Variants in WSCD2 observed in about 807,000 individuals in gnomAD.
WSCD2 encodes the protein sialate:O-sulfotransferase 2.
WSCD2 carries 28 observed loss-of-function variants against 55.7 expected under a neutral mutation model. The ratio of observed to expected loss-of-function variants is 0.50; its 90% CI spans 0.37 to 0.69. WSCD2 has a LOEUF of 0.69. Ranked by LOEUF, WSCD2 falls within the 30% of genes least tolerant of loss-of-function variation. The probability of loss-of-function intolerance (pLI) is 0.00; values close to 1 mark genes in which losing one functional copy is unlikely to be tolerated. For synonymous variants in WSCD2, 301 were observed against 301.9 expected (o/e 1.00, Z 0.03); for missense variants, 616 against 762.1 (o/e 0.81, Z 2.26).
chr12:108,132,109 G>C (rs373613418), intron 1 of WSCD2, among the ~76,000 whole-genome samples: 1 of 150,736 alleles, frequency 6.6e-6, no homozygotes, highest in African/African-American at 2.4e-5. Context: ...GAAATTGTCA[G>C]GGAATGCAGT....
intron 1 of WSCD2, among the ~76,000 whole-genome samples, chr12:108,188,498 C>T (rs899915319): frequency 1.3e-5 from 2 of 152,218 alleles, no homozygotes; most frequent in Admixed American, 6.5e-5. Context: ...ACCCACTGTA[C>T]GGGGTGCAAA....
chr12:108,166,749 T>TTTCC (rs1565928677), intron 1 of WSCD2, among the ~76,000 whole-genome samples: 18 of 47,008 alleles, frequency 3.8e-4, no homozygotes, highest in South Asian at 7.9e-4. Context: ...TCTTTCCTTC[T>TTTCC]TTCTTTCTTT....
chr12:108,223,062 C>T (rs973946301), intron 4 of WSCD2, among the ~76,000 whole-genome samples: 1 of 152,360 alleles, frequency 6.6e-6, no homozygotes. Flanking sequence ...TCCTTCTTCT[C>T]CAGGAAGCCT....
At chr12:108,239,471 C>A (rs1889534537) in intron 7 of WSCD2, among the ~76,000 whole-genome samples, 1 of 152,152 alleles carries the variant, frequency 6.6e-6, no homozygotes, top group Non-Finnish European at 1.5e-5. Flanking sequence ...AATCCCCCAT[C>A]CCCCACCCCC....
At chr12:108,135,185 C>T (rs1390697053) in intron 1 of WSCD2, among the ~76,000 whole-genome samples, 1 of 152,192 alleles carries the variant, frequency 6.6e-6, no homozygotes, top group Non-Finnish European at 1.5e-5. Context: ...TGCATCCATT[C>T]AAGTATTCAT....
intron 6 of WSCD2, among the ~76,000 whole-genome samples, chr12:108,231,296 T>C (rs1402783079): frequency 6.6e-6 from 1 of 152,206 alleles, no homozygotes; most frequent in Non-Finnish European, 1.5e-5. Flanking sequence ...CTCATCTTCC[T>C]TTCTGCTCCA....
chr12:108,155,727 G>A (rs1306987201), intron 1 of WSCD2, among the ~76,000 whole-genome samples: 1 of 152,186 alleles, frequency 6.6e-6, no homozygotes. Context: ...TAAGTTTGTG[G>A]TGAGATTTAA....
At chr12:108,202,411 G>A (rs183790928) in intron 2 of WSCD2, among the ~76,000 whole-genome samples, 11 of 152,234 alleles carry the variant, frequency 7.2e-5, no homozygotes, top group African/African-American at 1.7e-4. Context: ...AGGGTCATTC[G>A]TTCATTCAAC....
chr12:108,246,943 A>C (rs1047220927), intron 8 of WSCD2, among the ~76,000 whole-genome samples: 3 of 152,142 alleles, frequency 2.0e-5, no homozygotes, highest in Admixed American at 6.5e-5. Flanking sequence ...AAAACAGAAT[A>C]ATATCAGTAA....
At chr12:108,199,754 AG>A (rs1884424551) in intron 2 of WSCD2, among the ~76,000 whole-genome samples, 2 of 152,232 alleles carry the variant, frequency 1.3e-5, no homozygotes, top group Admixed American at 1.3e-4. Context: ...AGGGAAAGTC[AG>A]GCACAGAGAA....
chr12:108,164,108 A>T (rs1879352976), intron 1 of WSCD2, among the ~76,000 whole-genome samples: 1 of 67,908 alleles, frequency 1.5e-5, no homozygotes, highest in South Asian at 6.0e-4. Flanking sequence ...GTAGCCCTTC[A>T]CTTATTTATA....
chr12:108,241,978 G>T (rs189067169), intron 8 of WSCD2, among the ~76,000 whole-genome samples: 2 of 152,290 alleles, frequency 1.3e-5, no homozygotes, highest in East Asian at 1.9e-4. Flanking sequence ...TCAGCACTGC[G>T]CTGTGATAAT....
intron 2 of WSCD2, among the ~76,000 whole-genome samples, chr12:108,197,553 G>T (rs1884084297): frequency 6.6e-6 from 1 of 152,126 alleles, no homozygotes; most frequent in Admixed American, 6.5e-5. Context: ...GGATTTTACT[G>T]GATGCTCCTG....
chr12:108,168,683 G>A (rs559760446), intron 1 of WSCD2, among the ~76,000 whole-genome samples: 2 of 152,286 alleles, frequency 1.3e-5, no homozygotes, highest in South Asian at 4.2e-4. Context: ...ATTTAACATA[G>A]GGCTGGGCTC....
chr12:108,249,782 G>A lies in WSCD2; in HGVS notation c.*1439G>A, dbSNP rs757493768. The A allele has an allele frequency of 3.3e-5, 5 of 152,644 alleles. No individual in the cohort carries two copies. The highest frequency in any genetic ancestry group is 6.5e-5 in the Admixed American group (1 of 15,288). 9.5% of individuals were successfully genotyped at this position (152,644 alleles called of 1,614,324 possible). A position where few individuals can be genotyped will look rare whatever the true frequency, so the allele number is the denominator to read the frequency against. On this transcript the variant is annotated 3_prime_UTR_variant, in exon 9 of 9. Transcript: ENST00000547525. ...ATATGATTAATACATTCCGCCCCTTGGAACCTGGCCATGCAAAGCAAGGGC... is the reference window on the plus strand; with the variant it reads ...ATATGATTAATACATTCCGCCCCTTAGAACCTGGCCATGCAAAGCAAGGGC...
chr12:108,157,699 C>T lies in WSCD2; in HGVS notation c.-552+27773C>T, dbSNP rs535957824. Among the ~76,000 whole-genome samples, 381 of 152,308 alleles carry T rather than the reference C, an allele frequency of 2.5e-3. 3 individuals are homozygous for T. The highest frequency in any genetic ancestry group is 5.6e-3 in the South Asian group (27 of 4,824). On this transcript the variant is annotated intron_variant, in intron 1 of 8. Coordinates refer to ENST00000547525, the MANE Select transcript of WSCD2 (RefSeq NM_014653.4). ...GTGCAGCTGCTGTCTCCCCCAAGTT[C>T]CCTACCCAGAGTGGGGTGAGCTCCT...
At chr12:108,199,516 T>C (rs1475875150) in intron 2 of WSCD2, among the ~76,000 whole-genome samples, 2 of 152,260 alleles carry the variant, frequency 1.3e-5, no homozygotes, top group Non-Finnish European at 2.9e-5. Flanking sequence ...TTCTGCAACC[T>C]GCTGGCTGTG....
intron 1 of WSCD2, among the ~76,000 whole-genome samples, chr12:108,148,823 A>G (rs1243566497): frequency 6.6e-6 from 1 of 152,206 alleles, no homozygotes. Flanking sequence ...CCCTGACAAT[A>G]TCCTGTGATT....
intron 1 of WSCD2, among the ~76,000 whole-genome samples, chr12:108,181,135 A>G (rs1460092830): frequency 1.3e-5 from 2 of 152,184 alleles, no homozygotes; most frequent in Non-Finnish European, 2.9e-5. Context: ...GAGAAATGAA[A>G]GGAGCTTATC....
Sources: allele counts gnomAD v4.1 joint callset (sites outside exome capture counted in the v4.1 genomes callset), GRCh38; gene constraint gnomAD v4.1.1; transcripts MANE v1.5; gene names NCBI Gene and HGNC (gene_info 2026-07-23, HGNC 2026-07-21).